Variants in ITPRID1 observed in about 807,000 individuals in gnomAD.
ITPRID1 encodes the protein protein ITPRID1.
Under a neutral mutation model 95.4 loss-of-function variants are expected in ITPRID1, and 96 were observed. The ratio of observed to expected loss-of-function variants is 1.01; its 90% confidence interval spans 0.85 to 1.19. ITPRID1 has a LOEUF of 1.19. Ranked by LOEUF, ITPRID1 falls within the 50% of genes most tolerant of loss-of-function variation. The pLI is 0.00. For synonymous variants in ITPRID1, 510 were observed against 453.6 expected, an observed-to-expected ratio of 1.12 and a Z score of -1.58; for missense variants, 1,339 against 1,252.9, an observed-to-expected ratio of 1.07 and a Z score of -1.04.
Position 31,574,900 on chromosome 7 carries a change from C to CA in ITPRID1, c.598+159dup, listed in dbSNP as rs553273943. Among the ~76,000 whole-genome samples the CA allele has an allele frequency of 2.2e-3, 341 of 152,222 alleles. 1 individual carries two copies. Among genetic ancestry groups the CA allele is most frequent in the Non-Finnish European group, 3.8e-3 (255 of 67,990 alleles). ...GGATTTCTTGGTCATCCTATATGTC[C>CA]AGTGGGAGTTGGTGTGTATGTTTTG... is the stretch of plus-strand genomic sequence containing the variant. On this transcript the variant is annotated intron_variant, in intron 8 of 14. Transcript: ENST00000615280.
intron 10 of ITPRID1, 78 bp from the exon 11 acceptor site, chr7:31,642,098 C>G: frequency 1.1e-6 from 1 of 916,828 alleles, no homozygotes; most frequent in Non-Finnish European, 1.7e-6. Context: ...GTGTGTCAGG[C>G]ACCTAGAGGG....
chr7:31,635,784 G>C (rs148671545), intron 10 of ITPRID1, among the ~76,000 whole-genome samples: 1 of 152,016 alleles, frequency 6.6e-6, no homozygotes, highest in Non-Finnish European at 1.5e-5. Context: ...AGGGGAGGGC[G>C]GGGGTCAGAG....
chr7:31,611,515 GTTC>G (rs1786867839), intron 10 of ITPRID1, among the ~76,000 whole-genome samples: 1 of 151,808 alleles, frequency 6.6e-6, no homozygotes, highest in African/African-American at 2.4e-5. Context: ...TTATATTGCA[GTTC>G]TTCAAGTGAT....
At chr7:31,532,765 C>T (rs1293000109) in intron 1 of ITPRID1, among the ~76,000 whole-genome samples, 1 of 152,296 alleles carries the variant, frequency 6.6e-6, no homozygotes, top group Middle Eastern at 3.4e-3. Flanking sequence ...TTTTAGCAAG[C>T]TGGCCAAGCA....
intron 10 of ITPRID1, among the ~76,000 whole-genome samples, chr7:31,601,523 G>A (rs567433210): frequency 6.6e-6 from 1 of 152,228 alleles, no homozygotes; most frequent in East Asian, 1.9e-4. Context: ...TCCTAGTGAG[G>A]AAAAGTGATT....
At chr7:31,610,419 C>T (rs372226107) in intron 10 of ITPRID1, among the ~76,000 whole-genome samples, 1 of 151,848 alleles carries the variant, frequency 6.6e-6, no homozygotes, top group East Asian at 1.9e-4. Context: ...TAATGGCAAA[C>T]AGAAATCCTA....
At chr7:31,606,118 T>A (rs1786610270) in intron 10 of ITPRID1, among the ~76,000 whole-genome samples, 2 of 152,320 alleles carry the variant, frequency 1.3e-5, no homozygotes, top group East Asian at 3.9e-4. Flanking sequence ...GTTTCAAAGT[T>A]CTGTGTTTAT....
At chr7:31,526,788 T>C (rs959429415) in intron 1 of ITPRID1, among the ~76,000 whole-genome samples, 2 of 152,220 alleles carry the variant, frequency 1.3e-5, no homozygotes, top group East Asian at 3.9e-4. Flanking sequence ...ACATTTCTAC[T>C]CTTGGGGCCA....
chr7:31,528,216 G>A (rs1783484020), intron 1 of ITPRID1, among the ~76,000 whole-genome samples: 1 of 152,166 alleles, frequency 6.6e-6, no homozygotes, highest in South Asian at 2.1e-4. Context: ...ATGAATACAT[G>A]TATAACTAAT....
chr7:31,599,686 CTCTCTCTT>C (rs1193289808), intron 10 of ITPRID1, among the ~76,000 whole-genome samples: 10 of 138,320 alleles, frequency 7.2e-5, no homozygotes, highest in African/African-American at 1.7e-4. Context: ...CTCTCTCTCT[CTCTCTCTT>C]TCTTTCTTTC....
At chr7:31,615,192 A>G (rs1056445080) in intron 10 of ITPRID1, among the ~76,000 whole-genome samples, 1 of 152,254 alleles carries the variant, frequency 6.6e-6, no homozygotes, top group African/African-American at 2.4e-5. Flanking sequence ...ATATTTTCCC[A>G]TTTAGTCTTT....
In ITPRID1 at chr7:31,643,595, C is replaced by A; in HGVS notation, c.2225C>A (p.Pro742His). ...GTSLECTVCD[P>H]VTATETRLGT... is the part of the protein sequence containing the mutation. ...TCTTTAGAATGCACTGTGTGTGATC[C>A]TGTTACCGCAACAGAAACAAGACTG... Residue 742 changes from proline (P) to histidine (H), a missense_variant, in exon 12 of 15, where the codon CCT (proline) becomes CAT (histidine). Transcript: ENST00000615280. 6.2e-7 allele frequency: 1 copy of A among 1,614,022 alleles called. No individual in the cohort carries two copies. Among genetic ancestry groups the A allele is most frequent in the Non-Finnish European group, 8.5e-7 (1 of 1,179,898 alleles).
At chr7:31,576,372 T>C (rs1056380158) in intron 8 of ITPRID1, among the ~76,000 whole-genome samples, 33 of 152,220 alleles carry the variant, frequency 2.2e-4, no homozygotes, top group African/African-American at 7.7e-4. Flanking sequence ...TATCCAATGC[T>C]TCAGACTATT....
chr7:31,556,815 G>C (rs1338768722), intron 5 of ITPRID1, among the ~76,000 whole-genome samples: 1 of 151,918 alleles, frequency 6.6e-6, no homozygotes, highest in Non-Finnish European at 1.5e-5. Flanking sequence ...TCACAAACTT[G>C]GTGGTTTTAA....
chr7:31,652,102 GGT>G, intron 14 of ITPRID1, 52 bp downstream of exon 14: 1 of 1,275,406 alleles, frequency 7.8e-7, no homozygotes, highest in South Asian at 1.3e-5. Flanking sequence ...CCACAGGAGA[GGT>G]GCATTAAATG....
intron 6 of ITPRID1, among the ~76,000 whole-genome samples, chr7:31,571,138 C>T (rs1784973900): frequency 6.6e-6 from 1 of 152,098 alleles, no homozygotes; most frequent in Admixed American, 6.5e-5. Context: ...AAGCAATTCG[C>T]TGCCTCAGCC....
intron 12 of ITPRID1, among the ~76,000 whole-genome samples, chr7:31,645,895 C>A (rs967865345): frequency 1.3e-5 from 2 of 152,044 alleles, no homozygotes; most frequent in Non-Finnish European, 2.9e-5. Context: ...TAAAACTCAG[C>A]TCTAAGAGAA....
chr7:31,519,645 T>TATATATATATATAAAA (rs1332451516), intron 1 of ITPRID1, among the ~76,000 whole-genome samples: 1 of 115,116 alleles, frequency 8.7e-6, no homozygotes, highest in Non-Finnish European at 1.7e-5. Context: ...TATATATATA[T>TATATATATATATAAAA]AAATCTTATG....
Position 31,643,818 on chromosome 7 carries a change from C to T in ITPRID1, c.2448C>T (p.His816=), listed in dbSNP as rs76733226. 1.5e-3 allele frequency: 2,448 copies of T among 1,613,946 alleles called. 14 individuals carry two copies. The African/African-American group carries it at 0.018, about 12-fold the overall frequency. The change falls in exon 12 of 15, where the codon CAC becomes CAT. Residue 816 remains histidine, a synonymous_variant. Transcript: ENST00000615280. ...CICCHHHPHC[H]GERQSPGPEP... Reference sequence around the variant, plus strand: ...GCTGTCATCACCACCCTCACTGCCACGGGGAGAGGCAAAGCCCTGGCCCTG... The same window carrying T: ...GCTGTCATCACCACCCTCACTGCCATGGGGAGAGGCAAAGCCCTGGCCCTG...
Sources: allele counts gnomAD v4.1 joint callset (sites outside exome capture counted in the v4.1 genomes callset), GRCh38; gene constraint gnomAD v4.1.1; transcripts MANE v1.5; gene names NCBI Gene and HGNC (gene_info 2026-07-23, HGNC 2026-07-21).